Variants in NYAP2 observed in about 807,000 individuals in gnomAD.
NYAP2 encodes neuronal tyrosine-phosphorylated phosphoinositide-3-kinase adapter 2.
In NYAP2, 23 loss-of-function variants were observed where a neutral mutation model predicts 50.4. The observed-to-expected ratio is 0.46, with a 90% CI of 0.33 to 0.65. The LOEUF (loss-of-function observed/expected upper bound fraction) is 0.65, where lower values mean the gene tolerates loss of function less well. Among genes scored for constraint, NYAP2 ranks in the 30% least tolerant of loss-of-function variants. The pLI is 0.02. For missense variants in NYAP2, 885 were observed against 861.0 expected, an observed-to-expected ratio of 1.03 and a Z score of -0.35; for synonymous variants, 394 against 365.2, an observed-to-expected ratio of 1.08 and a Z score of -0.90.
intron 5 of NYAP2, among the ~76,000 whole-genome samples, 188 bp from the exon 6 acceptor site, chr2:225,626,729 G>C (rs1693215826): frequency 6.6e-6 from 1 of 152,156 alleles, no homozygotes; most frequent in East Asian, 1.9e-4. Context: ...AGAGATACTA[G>C]CCTACACAAC....
chr2:225,435,494 A>G (rs911319866), intron 3 of NYAP2, among the ~76,000 whole-genome samples: 12 of 152,310 alleles, frequency 7.9e-5, no homozygotes, highest in Non-Finnish European at 1.3e-4. Flanking sequence ...TTTTAATTTG[A>G]CTTGACTGGT....
At chr2:225,511,444 T>C (rs1428654183) in intron 3 of NYAP2, among the ~76,000 whole-genome samples, 3 of 151,836 alleles carry the variant, frequency 2.0e-5, no homozygotes, top group Non-Finnish European at 4.4e-5. Flanking sequence ...TCGGCTATGA[T>C]GTCAACACTG....
At chr2:225,472,865 T>C (rs1690035341) in intron 3 of NYAP2, among the ~76,000 whole-genome samples, 1 of 152,200 alleles carries the variant, frequency 6.6e-6, no homozygotes, top group African/African-American at 2.4e-5. Context: ...ACGTGCAGGT[T>C]TGTTACATAT....
the NYAP2 span, among the ~76,000 whole-genome samples, chr2:225,692,150 T>C: frequency 6.6e-6 from 1 of 152,172 alleles, no homozygotes; most frequent in Non-Finnish European, 1.5e-5. Context: ...TTATTGTTTT[T>C]CACATGCTAA....
At chr2:225,691,449 A>G in the NYAP2 span, among the ~76,000 whole-genome samples, 1 of 152,250 alleles carries the variant, frequency 6.6e-6, no homozygotes, top group East Asian at 1.9e-4. Flanking sequence ...CATGGACAGC[A>G]CAAAAACAGG....
At chr2:225,583,917 C>T (rs1478027355) in intron 5 of NYAP2, among the ~76,000 whole-genome samples, 1 of 152,250 alleles carries the variant, frequency 6.6e-6, no homozygotes, top group South Asian at 2.1e-4. Flanking sequence ...TGGCGGGCAC[C>T]TTTAGTCCCA....
At chr2:225,525,291 A>G (rs1691132005) in intron 4 of NYAP2, among the ~76,000 whole-genome samples, 1 of 152,162 alleles carries the variant, frequency 6.6e-6, no homozygotes, top group Admixed American at 6.6e-5. Flanking sequence ...TTAATACATT[A>G]AATTTGTGGT....
chr2:225,655,885 T>TACACACACACACACACACAC (rs372646871), downstream of NYAP2, among the ~76,000 whole-genome samples: 64 of 121,188 alleles, frequency 5.3e-4, no homozygotes, highest in South Asian at 1.0e-3. Flanking sequence ...CAACCTCCAC[T>TACACACACACACACACACAC]ACACACACAC....
the NYAP2 span, among the ~76,000 whole-genome samples, chr2:225,682,748 A>G: frequency 3.2e-4 from 49 of 152,288 alleles, no homozygotes; most frequent in South Asian, 2.9e-3. Context: ...GGAGTCTTGA[A>G]TAAGAAAAAA....
chr2:225,521,805 G>T (rs1020568586), intron 4 of NYAP2, among the ~76,000 whole-genome samples: 6 of 152,060 alleles, frequency 3.9e-5, no homozygotes, highest in Non-Finnish European at 7.4e-5. Flanking sequence ...AGTTACGGAG[G>T]ATTCCCTCTT....
chr2:225,627,048 C>T, exon 6 of NYAP2: 1 of 1,597,894 alleles, frequency 6.3e-7, no homozygotes, highest in Non-Finnish European at 8.5e-7. Flanking sequence ...GGATGGAACA[C>T]CAGGGACACC....
intron 3 of NYAP2, among the ~76,000 whole-genome samples, chr2:225,449,818 T>C (rs941769639): frequency 3.3e-5 from 5 of 151,912 alleles, no homozygotes. Context: ...GGTTTCACCA[T>C]GTTGGTCAGG....
intron 4 of NYAP2, among the ~76,000 whole-genome samples, chr2:225,530,028 A>G (rs1009319621): frequency 6.6e-6 from 1 of 152,120 alleles, no homozygotes; most frequent in African/African-American, 2.4e-5. Context: ...TTTTTTAGAG[A>G]GTATACCTGA....
intron 3 of NYAP2, among the ~76,000 whole-genome samples, chr2:225,446,216 G>GTCTGTCTCTC (rs1422980177): frequency 5.3e-4 from 37 of 69,600 alleles, no homozygotes; most frequent in East Asian, 1.0e-3. Context: ...CTGTCTGTCT[G>GTCTGTCTCTC]TCTCTCTCTC....
the NYAP2 span, among the ~76,000 whole-genome samples, chr2:225,663,150 A>G: frequency 6.6e-6 from 1 of 152,340 alleles, no homozygotes; most frequent in African/African-American, 2.4e-5. Context: ...GAGAAGCAAG[A>G]TGGGCCCAGG....
the NYAP2 span, among the ~76,000 whole-genome samples, chr2:225,694,563 C>T: frequency 5.9e-5 from 9 of 151,724 alleles, no homozygotes; most frequent in Non-Finnish European, 1.3e-4. Context: ...ATTAAAATGA[C>T]TATGCACCCA....
intron 4 of NYAP2, among the ~76,000 whole-genome samples, chr2:225,539,657 T>A (rs187212796): frequency 2.2e-4 from 34 of 152,332 alleles, no homozygotes; most frequent in African/African-American, 7.5e-4. Flanking sequence ...GAGAAGTGTC[T>A]GTTCATCTCC....
intron 4 of NYAP2, among the ~76,000 whole-genome samples, chr2:225,514,511 G>A (rs1690892168): frequency 6.6e-6 from 1 of 152,134 alleles, no homozygotes; most frequent in Non-Finnish European, 1.5e-5. Context: ...CCACTTCCTG[G>A]TTGCAGACTG....
chr2:225,597,968 GT>G (rs1692634667), intron 5 of NYAP2, among the ~76,000 whole-genome samples: 1 of 152,140 alleles, frequency 6.6e-6, no homozygotes, highest in Non-Finnish European at 1.5e-5. Flanking sequence ...CTTCAGTTAA[GT>G]TTGGGTAAAG....
Sources: allele counts gnomAD v4.1 joint callset (sites outside exome capture counted in the v4.1 genomes callset), GRCh38; gene constraint gnomAD v4.1.1; transcripts MANE v1.5; gene names NCBI Gene and HGNC (gene_info 2026-07-23, HGNC 2026-07-21).